MAGI1: variants seen among roughly 807,000 people sequenced by gnomAD.
MAGI1 encodes membrane associated guanylate kinase, WW and PDZ domain containing 1.
A neutral mutation model predicts 139.9 loss-of-function variants in MAGI1; 58 were observed. The ratio of observed to expected loss-of-function variants is 0.41; its 90% CI spans 0.34 to 0.52. MAGI1 has a LOEUF of 0.52. Ranked by LOEUF, MAGI1 falls within the 20% of genes least tolerant of loss-of-function variation. The probability of loss-of-function intolerance (pLI) is 0.12; values close to 1 mark genes in which losing one functional copy is unlikely to be tolerated. For missense variants in MAGI1, 1,874 were observed against 1,901.6 expected (o/e 0.99, Z 0.27); for synonymous variants, 812 against 737.9 (o/e 1.10, Z -1.63).
intron 1 of MAGI1, among the ~76,000 whole-genome samples, chr3:65,629,561 C>A (rs78729512): frequency 4.1e-4 from 59 of 142,952 alleles, no homozygotes; most frequent in East Asian, 1.4e-3. Flanking sequence ...GCTATTACAG[C>A]AAAAAAAAAA....
intron 1 of MAGI1, among the ~76,000 whole-genome samples, chr3:65,868,829 T>C (rs2059817522): frequency 6.6e-6 from 1 of 152,150 alleles, no homozygotes; most frequent in East Asian, 1.9e-4. Context: ...ACTTTGCATA[T>C]TTTTCTGAAT....
chr3:65,585,526 G>A (rs754907111), intron 2 of MAGI1, among the ~76,000 whole-genome samples: 6 of 152,194 alleles, frequency 3.9e-5, no homozygotes, highest in Non-Finnish European at 8.8e-5. Flanking sequence ...ACCAAGGGCA[G>A]GTGAAGATGC....
intron 1 of MAGI1, among the ~76,000 whole-genome samples, chr3:65,777,758 T>C (rs1165899974): frequency 1.3e-5 from 2 of 152,206 alleles, no homozygotes; most frequent in Non-Finnish European, 2.9e-5. Flanking sequence ...CCCACCTATT[T>C]GACTGCAGTG....
intron 3 of MAGI1, among the ~76,000 whole-genome samples, chr3:65,479,188 G>A (rs1442020692): frequency 7.2e-5 from 11 of 152,236 alleles, no homozygotes; most frequent in African/African-American, 2.4e-4. Flanking sequence ...CATTACTGCC[G>A]GCATCCTTAC....
intron 2 of MAGI1, among the ~76,000 whole-genome samples, chr3:65,613,931 G>T (rs1028564332): frequency 2.6e-5 from 4 of 152,108 alleles, no homozygotes; most frequent in Non-Finnish European, 4.4e-5. Context: ...GAAAGGGAAG[G>T]GAAAGGGGTA....
chr3:65,922,943 C>T, intron 1 of MAGI1, among the ~76,000 whole-genome samples: 1 of 61,108 alleles, frequency 1.6e-5, no homozygotes, highest in African/African-American at 1.6e-4. Flanking sequence ...GAAAACATAA[C>T]ATTTTTTTCT....
chr3:65,922,569 C>T (rs914513166), intron 1 of MAGI1, among the ~76,000 whole-genome samples: 1 of 152,174 alleles, frequency 6.6e-6, no homozygotes, highest in Non-Finnish European at 1.5e-5. Context: ...ATCTATAGAT[C>T]CTTCAAAGGA....
At chr3:66,034,348 T>A (rs1186305654) in intron 1 of MAGI1, among the ~76,000 whole-genome samples, 3 of 152,234 alleles carry the variant, frequency 2.0e-5, no homozygotes, top group Non-Finnish European at 4.4e-5. Context: ...GCAGCTCTAC[T>A]GCCACTGTGG....
chr3:65,690,977 A>G (rs2088575801), intron 1 of MAGI1, among the ~76,000 whole-genome samples: 1 of 152,070 alleles, frequency 6.6e-6, no homozygotes, highest in African/African-American at 2.4e-5. Flanking sequence ...GACCATCCTG[A>G]GAGTATTTCT....
At chr3:65,770,800 T>C (rs2037887296) in intron 1 of MAGI1, among the ~76,000 whole-genome samples, 1 of 152,016 alleles carries the variant, frequency 6.6e-6, no homozygotes, top group South Asian at 2.1e-4. Flanking sequence ...GCTATTCTCC[T>C]GCCTCAGCCT....
chr3:65,512,271 C>G (rs1321174763), intron 2 of MAGI1, among the ~76,000 whole-genome samples: 3 of 131,198 alleles, frequency 2.3e-5, no homozygotes, highest in African/African-American at 8.5e-5. Context: ...CAAACACATT[C>G]AAAAGCTAGC....
chr3:65,758,571 T>TG lies in MAGI1; in HGVS notation c.314-136484dup, dbSNP rs1053837009. On this transcript the variant is annotated intron_variant, in intron 1 of 22. Transcript: ENST00000402939. Reference sequence around the variant, plus strand: ...TATTCCCAAAGCAGCGGTTCTCAACTGGGGGGGAATATCATGCCCCAGGAG... The same window carrying TG: ...TATTCCCAAAGCAGCGGTTCTCAACTGGGGGGGGAATATCATGCCCCAGGAG... Among the ~76,000 whole-genome samples, 18 of 152,140 alleles carry TG rather than the reference T, an allele frequency of 1.2e-4. 1 individual carries two copies. The highest frequency in any genetic ancestry group is 2.6e-4 in the Admixed American group (4 of 15,268).
chr3:65,664,841 T>C (rs902131419), intron 1 of MAGI1, among the ~76,000 whole-genome samples: 1 of 152,192 alleles, frequency 6.6e-6, no homozygotes, highest in African/African-American at 2.4e-5. Context: ...TTTCACATTT[T>C]TGTGCTTTTT....
chr3:65,735,356 C>CGT lies in MAGI1; in HGVS notation c.314-113270_314-113269dup, dbSNP rs368243061. On this transcript the variant is annotated intron_variant, in intron 1 of 22. Coordinates refer to ENST00000402939, the MANE Select transcript of MAGI1 (RefSeq NM_001033057.2). ...GCCTGTTTTTAAAAGTGTGTCTGCA[C>CGT]GTGTGTGTGTGTGTGTGTGTGTACA... Among the ~76,000 whole-genome samples, 622 of 148,168 alleles carry CGT rather than the reference C, an allele frequency of 4.2e-3. 3 individuals carry two copies. The highest frequency in any genetic ancestry group is 0.014 in the Middle Eastern group (4 of 286).
chr3:65,975,435 T>A (rs1227079274), intron 1 of MAGI1, among the ~76,000 whole-genome samples: 1 of 152,166 alleles, frequency 6.6e-6, no homozygotes, highest in East Asian at 1.9e-4. Context: ...CTTTCTAGAA[T>A]GCCTTATTAC....
In MAGI1 at chr3:65,597,396, C is replaced by T. The variant is rs541283720; in HGVS notation, c.430+24576G>A. ...GCAATGCGGAGGAGGCAATACAAAG[C>T]GCGCGCCACACTTCCTCCAGCATCC... is the stretch of plus-strand genomic sequence containing the variant. On this transcript the variant is annotated intron_variant, in intron 2 of 22. Transcript: ENST00000402939. 3.3e-5 allele frequency among the ~76,000 whole-genome samples: 5 copies of T among 152,044 alleles called. No individual in the cohort carries two copies. In the East Asian group the frequency reaches 9.8e-4, roughly 30 times the overall value.
At chr3:65,966,560 G>C (rs915216391) in intron 1 of MAGI1, among the ~76,000 whole-genome samples, 3 of 151,984 alleles carry the variant, frequency 2.0e-5, no homozygotes, top group African/African-American at 7.2e-5. Context: ...CGAGGTCGCA[G>C]TGGACTATGA....
At chr3:65,631,802 T>A (rs61594032) in intron 1 of MAGI1, among the ~76,000 whole-genome samples, 25,724 of 151,880 alleles carry the variant, frequency 0.17, 3,379 homozygotes, top group East Asian at 0.67. Flanking sequence ...TCACATGAGG[T>A]CACATGAGGT....
At chr3:65,941,281 A>G (rs996418860) in intron 1 of MAGI1, among the ~76,000 whole-genome samples, 4 of 151,720 alleles carry the variant, frequency 2.6e-5, no homozygotes, top group African/African-American at 7.3e-5. Flanking sequence ...CAGGAGGTGG[A>G]GGTTGCAGTG....
Sources: gnomAD v4.1 joint callset for allele counts (sites outside exome capture counted in the v4.1 genomes callset) on GRCh38, gnomAD v4.1.1 for gene constraint, MANE v1.5 for transcripts, NCBI Gene and HGNC (gene_info 2026-07-23, HGNC 2026-07-21) for gene names.